Variants in ACSM3 observed in about 807,000 individuals in gnomAD.
ACSM3 encodes the protein acyl-coenzyme A synthetase ACSM3, mitochondrial.
A neutral mutation model predicts 74.1 loss-of-function variants in ACSM3; 61 were observed. The ratio of observed to expected loss-of-function variants is 0.82; its 90% CI spans 0.67 to 1.02. ACSM3 has a LOEUF of 1.02. ACSM3 is among the 50% of genes least tolerant of loss of function. ACSM3 has a pLI of 0.00. For missense variants in ACSM3, 660 were observed against 697.0 expected (o/e 0.95, Z 0.60); for synonymous variants, 213 against 241.5 (o/e 0.88, Z 1.09).
intron 12 of ACSM3, 199 bp from the exon 13 acceptor site, chr16:20,796,171 C>T (rs752108581): frequency 2.7e-5 from 23 of 849,990 alleles, no homozygotes; most frequent in Non-Finnish European, 3.9e-5. Context: ...TGGGTTGTTA[C>T]AGGGGTCCCA....
intron 1 of ACSM3, among the ~76,000 whole-genome samples, chr16:20,720,650 C>T (rs1596484838): frequency 2.0e-5 from 3 of 152,174 alleles, no homozygotes; most frequent in South Asian, 2.1e-4. Flanking sequence ...AACATAAGAA[C>T]GGAGATCTCC....
At chr16:20,692,898 C>T (rs546953254) in intron 1 of ACSM3, among the ~76,000 whole-genome samples, 2 of 152,208 alleles carry the variant, frequency 1.3e-5, no homozygotes, top group Admixed American at 6.5e-5. Flanking sequence ...AGGCCAGGCA[C>T]AGTGGCTCAT....
intron 1 of ACSM3, among the ~76,000 whole-genome samples, chr16:20,765,802 C>G (rs546156631): frequency 6.6e-6 from 1 of 152,294 alleles, no homozygotes; most frequent in South Asian, 2.1e-4. Flanking sequence ...TAATAAATAA[C>G]TGCAAAATGC....
At position 20,790,249 on chromosome 16, in the gene ACSM3, A is replaced by G. The variant is rs1178829921; in HGVS notation, c.1225-338A>G. ...GGAATATCACTGGAAGCCAGGAACC[A>G]GCCTGGGCAACATAATGAGTCCCTC... On this transcript the variant is annotated intron_variant, in intron 9 of 13. Coordinates refer to ENST00000289416, the MANE Select transcript of ACSM3 (RefSeq NM_005622.4). The surrounding 1 kb of genome is among the most constrained non-coding windows in gnomAD (Gnocchi z 4.0). Among the ~76,000 whole-genome samples, 2 of 152,182 alleles carry G rather than the reference A, an allele frequency of 1.3e-5. No individual in the cohort carries two copies. Among genetic ancestry groups the G allele is most frequent in the African/African-American group, 4.8e-5 (2 of 41,454 alleles).
At chr16:20,694,846 G>A (rs950099259) in intron 1 of ACSM3, among the ~76,000 whole-genome samples, 1 of 152,066 alleles carries the variant, frequency 6.6e-6, no homozygotes. Flanking sequence ...AATATGACTG[G>A]TGTCCTTATA....
intron 12 of ACSM3, among the ~76,000 whole-genome samples, chr16:20,795,002 CACTT>C (rs1002847630): frequency 6.6e-6 from 1 of 152,192 alleles, no homozygotes; most frequent in African/African-American, 2.4e-5. Flanking sequence ...TTGAATGACT[CACTT>C]ACAACAAGCA....
chr16:20,742,012 C>T, intron 1 of ACSM3: 3 of 1,478,118 alleles, frequency 2.0e-6, no homozygotes, highest in African/African-American at 2.8e-5. Flanking sequence ...GAAGTGGTGT[C>T]GGTGGCTCCT....
intron 1 of ACSM3, chr16:20,711,621 C>A (rs561227107): frequency 3.9e-6 from 4 of 1,030,948 alleles, no homozygotes; most frequent in Non-Finnish European, 5.8e-6. Flanking sequence ...ACTTTAAGAC[C>A]AAACTCCTGG....
At chr16:20,749,709 G>C (rs1053595860) in intron 1 of ACSM3, 1 of 152,332 alleles carries the variant, frequency 6.6e-6, no homozygotes, top group Non-Finnish European at 1.5e-5. Context: ...GTGCATATCT[G>C]GTACATCAAA....
At position 20,727,682 on chromosome 16, in the gene ACSM3, C is replaced by G. The variant is rs535274884; in HGVS notation, c.-189-22228C>G. Among the ~76,000 whole-genome samples the G allele has an allele frequency of 1.5e-4, 23 of 152,282 alleles. No individual in the cohort carries two copies. The South Asian group carries it at 3.7e-3, about 25-fold the overall frequency. On this transcript the variant is annotated intron_variant, in intron 1 of 3. Coordinates refer to the ACSM3 transcript ENST00000561584. ...ATTATTCCATCATTCCTGCCTCCCC[C>G]TCATGCAGGAGAAATCTCAGGGGCT...
upstream of ACSM3, chr16:20,763,962 A>G (rs1473461111): frequency 6.6e-6 from 1 of 152,232 alleles, no homozygotes; most frequent in Admixed American, 6.5e-5. Context: ...CCAATCAAGG[A>G]AAGTGTTTTG....
chr16:20,683,160 C>T (rs911176764), intron 1 of ACSM3, among the ~76,000 whole-genome samples: 3 of 151,920 alleles, frequency 2.0e-5, no homozygotes, highest in Admixed American at 6.6e-5. Flanking sequence ...CCCTGTCACC[C>T]AGGCTGGAGT....
intron 1 of ACSM3, among the ~76,000 whole-genome samples, chr16:20,699,592 T>A (rs1418065477): frequency 6.6e-6 from 1 of 151,928 alleles, no homozygotes; most frequent in African/African-American, 2.4e-5. Flanking sequence ...ACAAAACAAC[T>A]AACCAAAAAA....
intron 3 of ACSM3, among the ~76,000 whole-genome samples, chr16:20,776,593 T>C (rs537820862): frequency 7.2e-5 from 11 of 152,346 alleles, no homozygotes; most frequent in African/African-American, 2.6e-4. Flanking sequence ...TACCCAAAGC[T>C]TACTGAGCAC....
intron 9 of ACSM3, chr16:20,789,366 A>G: frequency 1.3e-6 from 1 of 789,142 alleles, no homozygotes; most frequent in Non-Finnish European, 2.2e-6. Context: ...AAGGTTTAGC[A>G]TTAATTACTT....
intron 1 of ACSM3, chr16:20,741,481 G>GTCC: frequency 1.5e-6 from 2 of 1,308,414 alleles, no homozygotes; most frequent in South Asian, 1.8e-5. Context: ...CTGGCAGCCG[G>GTCC]CCCGCCCGCC....
chr16:20,724,304 G>A (rs1361823901), intron 1 of ACSM3, among the ~76,000 whole-genome samples: 1 of 152,186 alleles, frequency 6.6e-6, no homozygotes, highest in Non-Finnish European at 1.5e-5. Flanking sequence ...AATAGATGCA[G>A]AAAAGGCCTT....
At chr16:20,775,775 C>A in intron 2 of ACSM3, 64 bp from the exon 3 acceptor site, 1 of 1,511,340 alleles carries the variant, frequency 6.6e-7, no homozygotes. Context: ...TCCATTGAGT[C>A]AGTTGGCCCA....
chr16:20,794,919 T>A (rs561140957), intron 12 of ACSM3, among the ~76,000 whole-genome samples: 3 of 152,318 alleles, frequency 2.0e-5, no homozygotes. Context: ...TTTAAAAAGA[T>A]AAAAGAGACT....
Sources: allele counts gnomAD v4.1 joint callset (sites outside exome capture counted in the v4.1 genomes callset), GRCh38; gene constraint gnomAD v4.1.1; non-coding constraint Gnocchi (gnomAD v3.1); transcripts MANE v1.5; gene names NCBI Gene and HGNC (gene_info 2026-07-23, HGNC 2026-07-21).